Variants in MACROD2 observed in about 807,000 individuals in gnomAD.
MACROD2 encodes the protein mono-ADP ribosylhydrolase 2, also known as ADP-ribose glycohydrolase MACROD2.
In MACROD2, 36 loss-of-function variants were observed where a neutral mutation model predicts 70.4. The observed-to-expected ratio is 0.51, with a 90% CI of 0.39 to 0.68. The LOEUF (loss-of-function observed/expected upper bound fraction) is 0.68, where lower values mean the gene tolerates loss of function less well. Ranked by LOEUF, MACROD2 falls within the 30% of genes least tolerant of loss-of-function variation. The probability of loss-of-function intolerance (pLI) is 0.00; values close to 1 mark genes in which losing one functional copy is unlikely to be tolerated. For synonymous variants in MACROD2, 172 were observed against 178.8 expected, an observed-to-expected ratio of 0.96 and a Z score of 0.30; for missense variants, 496 against 538.4, an observed-to-expected ratio of 0.92 and a Z score of 0.78.
At chr20:15,711,903 A>C (rs566991248) in intron 8 of MACROD2, among the ~76,000 whole-genome samples, 1 of 152,278 alleles carries the variant, frequency 6.6e-6, no homozygotes, top group South Asian at 2.1e-4. Flanking sequence ...TAACATTAGC[A>C]TGTTTTTTCC....
rs577571855 is a variant in MACROD2 at position 14,046,731 on chromosome 20, A to ATT, written c.164-38888_164-38887dup. Among the ~76,000 whole-genome samples, 15 of 150,394 alleles carry ATT rather than the reference A, an allele frequency of 1.0e-4. No individual in the cohort carries two copies. In the South Asian group the frequency reaches 3.1e-3, roughly 32 times the overall value. ...AGCATTCTCTTTTATTTATTTATTT[A>ATT]TTTATTTATTTATTTATTTATTTAT... On this transcript the variant is annotated intron_variant, in intron 2 of 17. Coordinates refer to ENST00000684519, the MANE Select transcript of MACROD2 (RefSeq NM_001351661.2).
At chr20:14,154,409 C>T (rs1265250004) in intron 3 of MACROD2, among the ~76,000 whole-genome samples, 3 of 143,312 alleles carry the variant, frequency 2.1e-5, no homozygotes, top group African/African-American at 7.8e-5. Flanking sequence ...TTTTTTGAGA[C>T]GGAGTCTTGC....
intron 5 of MACROD2, among the ~76,000 whole-genome samples, chr20:14,698,775 T>TATTAATTATTTATTAATTATTTAATTA (rs2071157645): frequency 6.7e-6 from 1 of 149,244 alleles, no homozygotes; most frequent in Admixed American, 6.7e-5. Context: ...TGTAATTATT[T>TATTAATTATTTATTAATTATTTAATTA]AATTAAATAA....
intron 3 of MACROD2, chr20:14,325,536 T>G: frequency 1.3e-6 from 2 of 1,586,440 alleles, no homozygotes; most frequent in Non-Finnish European, 1.7e-6. Context: ...AAAACACAAG[T>G]CTGCTGTGAG....
intron 8 of MACROD2, among the ~76,000 whole-genome samples, chr20:15,818,298 A>C (rs2063899085): frequency 6.6e-6 from 1 of 152,136 alleles, no homozygotes; most frequent in Admixed American, 6.5e-5. Flanking sequence ...TTCTTTTTTG[A>C]TTGTATGCTA....
At chr20:14,444,222 G>C (rs2084158379) in intron 3 of MACROD2, among the ~76,000 whole-genome samples, 1 of 152,078 alleles carries the variant, frequency 6.6e-6, no homozygotes, top group Admixed American at 6.5e-5. Context: ...TTGCCAGAGA[G>C]ATACTTTGTC....
At chr20:15,700,357 C>T (rs2050439041) in intron 8 of MACROD2, among the ~76,000 whole-genome samples, 1 of 152,190 alleles carries the variant, frequency 6.6e-6, no homozygotes, top group African/African-American at 2.4e-5. Flanking sequence ...GCTGCAAGGA[C>T]GCGGCACTGG....
intron 12 of MACROD2, among the ~76,000 whole-genome samples, chr20:15,950,660 A>G (rs2147364467): frequency 6.6e-6 from 1 of 152,318 alleles, no homozygotes; most frequent in African/African-American, 2.4e-5. Flanking sequence ...ATTCAGATCT[A>G]TAAGCAACAC....
chr20:15,214,088 A>G (rs2076787772), intron 5 of MACROD2, among the ~76,000 whole-genome samples: 1 of 152,010 alleles, frequency 6.6e-6, no homozygotes, highest in Non-Finnish European at 1.5e-5. Flanking sequence ...CTTTTATTTC[A>G]TTTCCAGCTT....
At chr20:15,500,218 G>A (rs966604989) in intron 8 of MACROD2, among the ~76,000 whole-genome samples, 1 of 152,132 alleles carries the variant, frequency 6.6e-6, no homozygotes, top group African/African-American at 2.4e-5. Flanking sequence ...TGAGGTTCCT[G>A]GTGTACAGTA....
intron 7 of MACROD2, among the ~76,000 whole-genome samples, chr20:15,464,914 C>T (rs573392834): frequency 1.3e-3 from 199 of 152,272 alleles, no homozygotes; most frequent in Non-Finnish European, 2.0e-3. Context: ...GGTAAATGGG[C>T]ATAAACACTG....
intron 4 of MACROD2, among the ~76,000 whole-genome samples, chr20:14,523,190 C>T (rs1001125193): frequency 1.3e-5 from 2 of 152,142 alleles, no homozygotes; most frequent in Non-Finnish European, 2.9e-5. Flanking sequence ...ACTCCTTCTA[C>T]TCTTCTCCCC....
At chr20:14,929,705 T>C (rs543836720) in intron 5 of MACROD2, among the ~76,000 whole-genome samples, 2 of 152,226 alleles carry the variant, frequency 1.3e-5, no homozygotes, top group East Asian at 3.9e-4. Flanking sequence ...GCTCCCATCC[T>C]CTGAGTCACC....
intron 6 of MACROD2, among the ~76,000 whole-genome samples, chr20:15,311,096 A>T (rs558077407): frequency 1.3e-5 from 2 of 152,324 alleles, no homozygotes; most frequent in South Asian, 4.1e-4. Flanking sequence ...CTTAGAAGAA[A>T]ATTGTAAGAA....
chr20:14,317,530 C>T (rs758664488), intron 3 of MACROD2, among the ~76,000 whole-genome samples: 8 of 150,572 alleles, frequency 5.3e-5, no homozygotes, highest in African/African-American at 7.3e-5. Context: ...GCAGGAGAAT[C>T]GCTTGAACCT....
At chr20:15,063,698 CAT>C (rs1374965141) in intron 5 of MACROD2, among the ~76,000 whole-genome samples, 1 of 152,122 alleles carries the variant, frequency 6.6e-6, no homozygotes, top group Non-Finnish European at 1.5e-5. Context: ...GTATACTCAC[CAT>C]GTGTGTATAG....
chr20:14,164,270 A>G (rs1277317780), intron 3 of MACROD2, among the ~76,000 whole-genome samples: 1 of 152,082 alleles, frequency 6.6e-6, no homozygotes, highest in Non-Finnish European at 1.5e-5. Context: ...TGTTAATGGA[A>G]GCTGTGGTGA....
intron 8 of MACROD2, among the ~76,000 whole-genome samples, chr20:15,750,151 G>A (rs2051246603): frequency 6.6e-6 from 1 of 151,866 alleles, no homozygotes; most frequent in South Asian, 2.1e-4. Flanking sequence ...CAATTCAAGA[G>A]CAAAACAACA....
At chr20:15,841,957 G>A (rs1463231821) in intron 8 of MACROD2, among the ~76,000 whole-genome samples, 1 of 152,120 alleles carries the variant, frequency 6.6e-6, no homozygotes, top group African/African-American at 2.4e-5. Flanking sequence ...TAGAAAATAG[G>A]AAGCAAAGAC....
Sources: gnomAD v4.1 joint callset for allele counts (sites outside exome capture counted in the v4.1 genomes callset) on GRCh38, gnomAD v4.1.1 for gene constraint, MANE v1.5 for transcripts, NCBI Gene and HGNC (gene_info 2026-07-23, HGNC 2026-07-21) for gene names.